The following AK4 variants were observed in gnomAD, a reference collection of about 807,000 sequenced individuals.
The protein encoded by AK4 is adenylate kinase 4, mitochondrial.
In AK4, 13 loss-of-function variants were observed where a neutral mutation model predicts 24.6. The ratio of observed to expected loss-of-function variants is 0.53; its 90% confidence interval spans 0.34 to 0.84. The LOEUF is 0.84. AK4 is among the 40% of genes least tolerant of loss of function. The pLI, the probability that AK4 is intolerant of heterozygous loss-of-function variation, is 0.01. For synonymous variants in AK4, 88 were observed against 107.0 expected (o/e 0.82, Z 1.10); for missense variants, 192 against 288.2 (o/e 0.67, Z 2.42).
intron 1 of AK4, among the ~76,000 whole-genome samples, chr1:65,167,139 A>G (rs929484529): frequency 6.6e-6 from 1 of 152,182 alleles, no homozygotes; most frequent in African/African-American, 2.4e-5. Flanking sequence ...TCAAAAAACA[A>G]AAATAGAAAC....
At chr1:65,219,915 C>G (rs540974988) in intron 3 of AK4, among the ~76,000 whole-genome samples, 4 of 152,222 alleles carry the variant, frequency 2.6e-5, no homozygotes, top group African/African-American at 9.6e-5. Flanking sequence ...CTGATTTTCG[C>G]CAAACTTCTG....
intron 1 of AK4, among the ~76,000 whole-genome samples, chr1:65,189,633 T>C (rs550101138): frequency 2.7e-4 from 41 of 149,658 alleles, no homozygotes; most frequent in South Asian, 1.5e-3. Flanking sequence ...AGGATTTCAT[T>C]TGTGGTAAAA....
intron 1 of AK4, among the ~76,000 whole-genome samples, chr1:65,186,904 A>C (rs2101034689): frequency 6.6e-6 from 1 of 152,344 alleles, no homozygotes; most frequent in East Asian, 1.9e-4. Flanking sequence ...AAGTAGAAAC[A>C]ACCCAAATAT....
intron 2 of AK4, among the ~76,000 whole-genome samples, chr1:65,212,959 G>A (rs541180570): frequency 6.6e-6 from 1 of 152,154 alleles, no homozygotes; most frequent in Admixed American, 6.5e-5. Context: ...AAGCATAAAG[G>A]CTATGTTTGC....
intron 1 of AK4, chr1:65,166,106 G>C (rs1230036924): frequency 1.3e-5 from 2 of 152,182 alleles, no homozygotes; most frequent in African/African-American, 4.8e-5. Context: ...CCTTTTACTG[G>C]CTTTGTAAAC....
rs892076611 is a variant in AK4, at chr1:65,148,296, A to G, written c.-112A>G. 5.8e-5 allele frequency: 82 copies of G among 1,410,200 alleles called. No homozygotes were observed. In the Middle Eastern group the frequency reaches 1.6e-3, roughly 28 times the overall value. 87.4% of individuals were successfully genotyped at this position (1,410,200 alleles called of 1,614,324 possible). Reference sequence around the variant, plus strand: ...CCTGTAGGGGCGGCCGGCGAGTCCCAGTGAGAGCGGAGGGTGCCAGAGGTA... The same window carrying G: ...CCTGTAGGGGCGGCCGGCGAGTCCCGGTGAGAGCGGAGGGTGCCAGAGGTA... On this transcript the variant is annotated 5_prime_UTR_variant, in exon 1 of 5. Transcript: ENST00000327299.
At chr1:65,180,356 T>C (rs2101024440) in intron 1 of AK4, among the ~76,000 whole-genome samples, 1 of 152,296 alleles carries the variant, frequency 6.6e-6, no homozygotes, top group South Asian at 2.1e-4. Flanking sequence ...GCTGAGGTGT[T>C]TTCTTCATAG....
At chr1:65,178,795 G>C (rs945383850) in intron 1 of AK4, among the ~76,000 whole-genome samples, 2 of 152,172 alleles carry the variant, frequency 1.3e-5, no homozygotes, top group African/African-American at 4.8e-5. Flanking sequence ...AACCACAGTC[G>C]CACTTGACTC....
chr1:65,226,686 C>T lies in AK4; in HGVS notation c.*509C>T, dbSNP rs2101099110. ...AGCTACTTACTCATAGTGGTTGTTT[C>T]TCTGGTCTTGAGTGACTGTGTCCAC... On this transcript the variant is annotated 3_prime_UTR_variant, in exon 5 of 5. Transcript: ENST00000327299. 1 of 152,986 alleles carries T rather than the reference C, an allele frequency of 6.5e-6. No individual in the cohort carries two copies. The highest frequency in any genetic ancestry group is 1.9e-4 in the East Asian group (1 of 5,148). 9.5% of individuals were successfully genotyped at this position (152,986 alleles called of 1,614,324 possible). A position where few individuals can be genotyped will look rare whatever the true frequency, so the allele number is the denominator to read the frequency against.
At chr1:65,167,701 C>G (rs1388041100) in intron 1 of AK4, among the ~76,000 whole-genome samples, 1 of 152,182 alleles carries the variant, frequency 6.6e-6, no homozygotes, top group Non-Finnish European at 1.5e-5. Context: ...GTCATTCTAT[C>G]CAAGTGGCCA....
chr1:65,185,490 G>T (rs6588127), intron 1 of AK4, among the ~76,000 whole-genome samples: 51,867 of 151,950 alleles, frequency 0.34, 10,001 homozygotes, highest in African/African-American at 0.52. Flanking sequence ...GTATACCAAA[G>T]GGCCCCACAT....
At chr1:65,185,776 G>A (rs1020934089) in intron 1 of AK4, among the ~76,000 whole-genome samples, 13 of 151,718 alleles carry the variant, frequency 8.6e-5, no homozygotes, top group African/African-American at 2.4e-4. Context: ...CACCACACCC[G>A]GTAAATTTTT....
chr1:65,159,087 CAG>C (rs765148143), intron 1 of AK4, among the ~76,000 whole-genome samples: 21 of 152,160 alleles, frequency 1.4e-4, no homozygotes, highest in South Asian at 2.1e-4. Context: ...TGAAATAATG[CAG>C]AGTCATTCTT....
Position 65,173,508 on chromosome 1 carries a change from G to A in AK4, c.146-17202G>A, listed in dbSNP as rs1238731996. Among the ~76,000 whole-genome samples, 4 of 151,942 alleles carry A rather than the reference G, an allele frequency of 2.6e-5. No homozygotes were observed. In the East Asian group the frequency reaches 5.8e-4, roughly 22 times the overall value. On this transcript the variant is annotated intron_variant, in intron 1 of 4. Transcript: ENST00000327299. ...CTTCCCTGTAATTTTTCACTTCTGC[G>A]TTTCAGTCTTTCCTTGGAAAGGCTG...
chr1:65,182,224 G>A (rs140802576), intron 1 of AK4, among the ~76,000 whole-genome samples: 127 of 152,246 alleles, frequency 8.3e-4, no homozygotes, highest in Non-Finnish European at 1.2e-3. Context: ...CTCAGTTCAA[G>A]GGTACGATGT....
chr1:65,170,588 T>C (rs763692066), intron 1 of AK4, among the ~76,000 whole-genome samples: 1 of 152,136 alleles, frequency 6.6e-6, no homozygotes, highest in African/African-American at 2.4e-5. Flanking sequence ...ATGGCTGAGA[T>C]TGTGAAAGAC....
chr1:65,209,358 T>C (rs1651905521), intron 2 of AK4, among the ~76,000 whole-genome samples: 1 of 152,236 alleles, frequency 6.6e-6, no homozygotes, highest in African/African-American at 2.4e-5. Flanking sequence ...ATAACGCTAG[T>C]CAGTCATTTA....
rs909909148 is a variant in AK4 at position 65,191,226 on chromosome 1, T to C, written c.265+397T>C. Among the ~76,000 whole-genome samples the C allele has an allele frequency of 6.6e-5, 10 of 152,188 alleles. No homozygotes were observed. In the South Asian group the frequency reaches 1.2e-3, roughly 19 times the overall value. On this transcript the variant is annotated intron_variant, in intron 2 of 4. Transcript: ENST00000327299. The stretch of plus-strand genomic sequence containing the variant: ...AGATAGAAGATCGGAAAATCCTTTA[T>C]TGAGTATGTAGGAAACAAATACTGT...
At chr1:65,217,459 A>AT (rs932275555) in intron 2 of AK4, among the ~76,000 whole-genome samples, 28 of 152,104 alleles carry the variant, frequency 1.8e-4, no homozygotes, top group African/African-American at 6.8e-4. Context: ...TGCATCTTTT[A>AT]TTATACTTTC....
Sources: allele counts gnomAD v4.1 joint callset (sites outside exome capture counted in the v4.1 genomes callset), GRCh38; gene constraint gnomAD v4.1.1; transcripts MANE v1.5; gene names NCBI Gene and HGNC (gene_info 2026-07-23, HGNC 2026-07-21).